FGF14: variants seen among roughly 807,000 people sequenced by gnomAD.
The protein encoded by FGF14 is fibroblast growth factor homologous factor 4.
A neutral mutation model predicts 25.5 loss-of-function variants in FGF14; 5 were observed. The observed-to-expected ratio is 0.20, with a 90% CI of 0.10 to 0.41. The LOEUF (loss-of-function observed/expected upper bound fraction) is 0.41, where lower values mean the gene tolerates loss of function less well. Ranked by LOEUF, FGF14 falls within the 10% of genes least tolerant of loss-of-function variation. The pLI, the probability that FGF14 is intolerant of heterozygous loss-of-function variation, is 1.00. For missense variants in FGF14, 222 were observed against 320.1 expected, an observed-to-expected ratio of 0.69 and a Z score of 2.34; for synonymous variants, 138 against 118.3, an observed-to-expected ratio of 1.17 and a Z score of -1.08.
chr13:101,893,491 T>C (rs910719884), intron 1 of FGF14, among the ~76,000 whole-genome samples: 39 of 152,160 alleles, frequency 2.6e-4, no homozygotes, highest in African/African-American at 9.4e-4. Flanking sequence ...CAAAAGGGCC[T>C]TTGCATACAA....
At chr13:102,172,111 T>C (rs1853747071) in intron 1 of FGF14, among the ~76,000 whole-genome samples, 1 of 152,064 alleles carries the variant, frequency 6.6e-6, no homozygotes, top group Admixed American at 6.6e-5. Context: ...ATTACAGATA[T>C]GACCCCCTAC....
chr13:102,302,901 C>T (rs2055148032), intron 1 of FGF14, among the ~76,000 whole-genome samples: 1 of 152,108 alleles, frequency 6.6e-6, no homozygotes, highest in Non-Finnish European at 1.5e-5. Flanking sequence ...CAGAGTGGTC[C>T]TTATAAAACA....
chr13:102,233,556 CTACTAGG>C (rs1225231455), intron 1 of FGF14, among the ~76,000 whole-genome samples: 2 of 152,114 alleles, frequency 1.3e-5, no homozygotes, highest in Non-Finnish European at 2.9e-5. Context: ...ACAGAGCCTG[CTACTAGG>C]AAGAGCTTGA....
chr13:102,070,913 C>G (rs955102408), intron 1 of FGF14, among the ~76,000 whole-genome samples: 1 of 151,958 alleles, frequency 6.6e-6, no homozygotes, highest in Non-Finnish European at 1.5e-5. Flanking sequence ...AACTGGTTCT[C>G]TAAGGACTGC....
rs1245988716 is a variant in FGF14, at chr13:101,720,728, T to A, written c.*2103A>T. 1 of 150,326 alleles carries A rather than the reference T, an allele frequency of 6.7e-6. No individual in the cohort carries two copies. Among genetic ancestry groups the A allele is most frequent in the Non-Finnish European group, 1.5e-5 (1 of 68,026 alleles). 9.3% of individuals were successfully genotyped at this position (150,326 alleles called of 1,614,324 possible). A position where few individuals can be genotyped will look rare whatever the true frequency, so the allele number is the denominator to read the frequency against. On this transcript the variant is annotated 3_prime_UTR_variant, in exon 5 of 5. Transcript: ENST00000376143. The stretch of plus-strand genomic sequence containing the variant: ...GGTTAATGGAAGTTATCTAATATAT[T>A]TTAACTGTTCCTGTTAAAAACAATA...
intron 1 of FGF14, among the ~76,000 whole-genome samples, chr13:101,981,433 G>C (rs927170069): frequency 6.6e-6 from 1 of 152,158 alleles, no homozygotes; most frequent in Non-Finnish European, 1.5e-5. Context: ...CCAGCCACCA[G>C]GGCAGTGAGA....
intron 1 of FGF14, among the ~76,000 whole-genome samples, chr13:102,341,724 T>A (rs1374509941): frequency 6.8e-6 from 1 of 147,598 alleles, no homozygotes; most frequent in East Asian, 1.9e-4. Context: ...ACAGCTATGG[T>A]ATTACTCTTC....
intron 1 of FGF14, among the ~76,000 whole-genome samples, chr13:102,351,296 A>C (rs1388070309): frequency 6.6e-6 from 1 of 152,180 alleles, no homozygotes; most frequent in Non-Finnish European, 1.5e-5. Context: ...CAGAAAAAAA[A>C]AACGATCTTC....
intron 3 of FGF14, among the ~76,000 whole-genome samples, chr13:101,868,100 C>G (rs890384659): frequency 6.6e-6 from 1 of 152,010 alleles, no homozygotes; most frequent in Non-Finnish European, 1.5e-5. Flanking sequence ...AAAAAAGCAC[C>G]TTTAAGTCTT....
At chr13:102,216,513 T>C (rs1047491926) in intron 1 of FGF14, among the ~76,000 whole-genome samples, 1 of 152,190 alleles carries the variant, frequency 6.6e-6, no homozygotes, top group Non-Finnish European at 1.5e-5. Flanking sequence ...AAAATTGAAT[T>C]ATAAACATTG....
chr13:102,054,999 A>T (rs567958783), intron 1 of FGF14, among the ~76,000 whole-genome samples: 11 of 152,286 alleles, frequency 7.2e-5, no homozygotes, highest in African/African-American at 2.6e-4. Context: ...CATGTCTCAC[A>T]TTCCAGTCCT....
intron 1 of FGF14, among the ~76,000 whole-genome samples, chr13:102,271,169 C>T (rs572369187): frequency 1.6e-4 from 24 of 152,188 alleles, no homozygotes; most frequent in Middle Eastern, 3.4e-3. Context: ...ATTAATATTA[C>T]GATATACAGT....
chr13:101,768,076 T>C (rs2038521385), intron 3 of FGF14, among the ~76,000 whole-genome samples: 1 of 152,048 alleles, frequency 6.6e-6, no homozygotes, highest in Non-Finnish European at 1.5e-5. Context: ...ATCAACAACA[T>C]GTAAATATTT....
chr13:102,303,064 T>G (rs751726516), intron 1 of FGF14, among the ~76,000 whole-genome samples: 1 of 152,118 alleles, frequency 6.6e-6, no homozygotes, highest in Non-Finnish European at 1.5e-5. Context: ...CTCCTACCAC[T>G]TTCTCCCCGA....
At chr13:102,249,548 G>T in intron 1 of FGF14, among the ~76,000 whole-genome samples, 1 of 93,446 alleles carries the variant, frequency 1.1e-5, no homozygotes, top group Non-Finnish European at 2.4e-5. Flanking sequence ...GTACTGAGAG[G>T]GGTGTGTGTG....
chr13:102,180,525 C>A (rs1369708982), intron 1 of FGF14, among the ~76,000 whole-genome samples: 1 of 152,088 alleles, frequency 6.6e-6, no homozygotes, highest in Non-Finnish European at 1.5e-5. Flanking sequence ...GTTGGCCAGG[C>A]TGGTTTTGAA....
rs575648522 is a variant in FGF14, at chr13:101,955,344, C to T, written c.209-80048G>A. On this transcript the variant is annotated intron_variant, in intron 1 of 4. Coordinates refer to the FGF14 transcript ENST00000376131. ...ATGTGGCTTCAATGATTCTCACAAC[C>T]AGCAGGCCTCCTGCCTTCATGAGTG... Among the ~76,000 whole-genome samples the T allele has an allele frequency of 2.0e-5, 3 of 152,328 alleles. No individual in the cohort carries two copies. The East Asian group carries it at 5.8e-4, about 29-fold the overall frequency.
intron 3 of FGF14, among the ~76,000 whole-genome samples, chr13:101,810,754 G>C (rs1484660657): frequency 6.6e-6 from 1 of 152,118 alleles, no homozygotes; most frequent in African/African-American, 2.4e-5. Flanking sequence ...AGACAGGAAG[G>C]CCTTTATTTA....
chr13:102,161,330 T>C (rs918974872), intron 1 of FGF14, among the ~76,000 whole-genome samples: 7 of 152,088 alleles, frequency 4.6e-5, no homozygotes, highest in African/African-American at 1.7e-4. Flanking sequence ...ATTATTATCA[T>C]TCTCAAGGGA....
Sources: allele counts gnomAD v4.1 joint callset (sites outside exome capture counted in the v4.1 genomes callset), GRCh38; gene constraint gnomAD v4.1.1; transcripts MANE v1.5; gene names NCBI Gene and HGNC (gene_info 2026-07-23, HGNC 2026-07-21).